Variants in KHDRBS2 observed in about 807,000 individuals in gnomAD.
KHDRBS2 encodes the protein KH domain-containing, RNA-binding, signal transduction-associated protein 2.
In KHDRBS2, 26 loss-of-function variants were observed where a neutral mutation model predicts 44.3. That is an observed-to-expected ratio of 0.59 (90% CI 0.43 to 0.81). The LOEUF (loss-of-function observed/expected upper bound fraction) is 0.81, where lower values mean the gene tolerates loss of function less well. Among genes scored for constraint, KHDRBS2 ranks in the 40% least tolerant of loss-of-function variants. KHDRBS2 has a pLI of 0.00. For synonymous variants in KHDRBS2, 194 were observed against 151.1 expected (o/e 1.28, Z -2.08); for missense variants, 476 against 433.1 (o/e 1.10, Z -0.88).
chr6:62,216,610 T>C (rs1055517637), intron 1 of KHDRBS2, among the ~76,000 whole-genome samples: 1 of 151,438 alleles, frequency 6.6e-6, no homozygotes, highest in African/African-American at 2.4e-5. Context: ...GAGATGGTGG[T>C]GGTCTTGGGA....
intron 6 of KHDRBS2, among the ~76,000 whole-genome samples, chr6:61,877,345 C>A (rs1583292885): frequency 6.6e-6 from 1 of 151,934 alleles, no homozygotes; most frequent in East Asian, 1.9e-4. Flanking sequence ...TATAGAGTGT[C>A]TTTTAAATGC....
chr6:62,088,925 G>T (rs568057789), intron 2 of KHDRBS2, among the ~76,000 whole-genome samples: 2 of 152,266 alleles, frequency 1.3e-5, no homozygotes, highest in South Asian at 4.2e-4. Context: ...TGACTAGAGA[G>T]GAGGAATCTA....
chr6:61,684,173 T>C (rs1582145473), intron 8 of KHDRBS2, among the ~76,000 whole-genome samples: 2 of 151,926 alleles, frequency 1.3e-5, no homozygotes, highest in East Asian at 3.9e-4. Context: ...TGGATTGAGA[T>C]TGGAGAGTAC....
chr6:61,787,071 C>T (rs1783932526), intron 6 of KHDRBS2, among the ~76,000 whole-genome samples: 1 of 148,978 alleles, frequency 6.7e-6, no homozygotes, highest in Admixed American at 6.7e-5. Context: ...GTATATTAAG[C>T]AAGTTATTTT....
At chr6:62,159,576 A>G (rs1458144983) in intron 2 of KHDRBS2, among the ~76,000 whole-genome samples, 2 of 152,106 alleles carry the variant, frequency 1.3e-5, no homozygotes, top group African/African-American at 4.8e-5. Context: ...TGATCCCTAA[A>G]TGACAAGGGG....
intron 2 of KHDRBS2, among the ~76,000 whole-genome samples, chr6:62,140,070 C>T (rs1331826969): frequency 2.0e-5 from 3 of 152,136 alleles, no homozygotes; most frequent in Non-Finnish European, 4.4e-5. Context: ...TTCCATGATT[C>T]CCAGGAAATC....
intron 6 of KHDRBS2, among the ~76,000 whole-genome samples, chr6:61,854,441 T>C (rs1339517348): frequency 6.6e-6 from 1 of 152,148 alleles, no homozygotes; most frequent in East Asian, 1.9e-4. Flanking sequence ...AATATTCTAA[T>C]GATTACCTTG....
the KHDRBS2 span, among the ~76,000 whole-genome samples, chr6:61,576,000 C>G: frequency 6.6e-6 from 1 of 151,936 alleles, no homozygotes; most frequent in Non-Finnish European, 1.5e-5. Context: ...CATTAGGTAC[C>G]GTGTACACTG....
chr6:61,594,865 A>G, the KHDRBS2 span, among the ~76,000 whole-genome samples: 2 of 152,140 alleles, frequency 1.3e-5, no homozygotes, highest in Non-Finnish European at 2.9e-5. Flanking sequence ...TCAAAGGCTT[A>G]AAATACTTGA....
chr6:61,865,644 G>A (rs546812263), intron 6 of KHDRBS2, among the ~76,000 whole-genome samples: 1 of 152,218 alleles, frequency 6.6e-6, no homozygotes, highest in South Asian at 2.1e-4. Context: ...CAAATCTCAT[G>A]TCCTCACATT....
intron 2 of KHDRBS2, among the ~76,000 whole-genome samples, chr6:62,087,466 G>A (rs908475693): frequency 6.6e-6 from 1 of 151,500 alleles, no homozygotes; most frequent in African/African-American, 2.4e-5. Context: ...ATAAAAGATA[G>A]AAATGAAAAT....
At chr6:61,612,208 T>C in the KHDRBS2 span, among the ~76,000 whole-genome samples, 2 of 152,186 alleles carry the variant, frequency 1.3e-5, no homozygotes, top group Non-Finnish European at 2.9e-5. Context: ...TCTCATTTGT[T>C]CTCCTTTATG....
chr6:62,247,333 G>A (rs176606), intron 1 of KHDRBS2, among the ~76,000 whole-genome samples: 1 of 151,692 alleles, frequency 6.6e-6, no homozygotes, highest in Non-Finnish European at 1.5e-5. Flanking sequence ...GCAAAAGTAA[G>A]TGTGGTGTTT....
chr6:61,908,314 T>C (rs572043341), intron 4 of KHDRBS2, among the ~76,000 whole-genome samples: 83 of 152,190 alleles, frequency 5.5e-4, no homozygotes, highest in African/African-American at 1.9e-3. Context: ...TAATTTTTAG[T>C]GGAAAATTTA....
chr6:61,640,996 G>T, the KHDRBS2 span, among the ~76,000 whole-genome samples: 1 of 152,018 alleles, frequency 6.6e-6, no homozygotes, highest in East Asian at 1.9e-4. Flanking sequence ...TTATCTGTTA[G>T]TATGCTCAAA....
the KHDRBS2 span, among the ~76,000 whole-genome samples, chr6:61,545,517 G>GTGTGTGTGTT: frequency 6.6e-6 from 1 of 151,614 alleles, no homozygotes; most frequent in Non-Finnish European, 1.5e-5. Flanking sequence ...GTGTGTGTGT[G>GTGTGTGTGTT]TGTGTGTGTG....
intron 8 of KHDRBS2, among the ~76,000 whole-genome samples, chr6:61,683,209 T>G (rs897073959): frequency 6.6e-6 from 1 of 151,834 alleles, no homozygotes; most frequent in Non-Finnish European, 1.5e-5. Context: ...ACAGAATACT[T>G]GTCACATACA....
intron 2 of KHDRBS2, among the ~76,000 whole-genome samples, chr6:62,055,507 T>A (rs1338260403): frequency 2.6e-5 from 4 of 152,014 alleles, no homozygotes. Flanking sequence ...ACAACCATAA[T>A]GGCAGTGTCT....
At chr6:61,617,729 C>T in the KHDRBS2 span, among the ~76,000 whole-genome samples, 79 of 151,918 alleles carry the variant, frequency 5.2e-4, no homozygotes, top group Non-Finnish European at 9.0e-4. Context: ...GAATTGTGTC[C>T]AAATGAATGC....
Sources: allele counts gnomAD v4.1 joint callset (sites outside exome capture counted in the v4.1 genomes callset), GRCh38; gene constraint gnomAD v4.1.1; transcripts MANE v1.5; gene names NCBI Gene and HGNC (gene_info 2026-07-23, HGNC 2026-07-21).